The following PTPRO variants were observed in gnomAD, a reference collection of about 807,000 sequenced individuals.
The protein encoded by PTPRO is receptor-type tyrosine-protein phosphatase O.
In PTPRO, 62 loss-of-function variants were observed where a neutral mutation model predicts 145.2. That is an observed-to-expected ratio of 0.43 (90% CI 0.35 to 0.53). PTPRO has a LOEUF of 0.53. Among genes scored for constraint, PTPRO ranks in the 20% least tolerant of loss-of-function variants. PTPRO has a pLI of 0.01. For missense variants in PTPRO, 1,345 were observed against 1,482.7 expected (o/e 0.91, Z 1.53); for synonymous variants, 565 against 514.7 (o/e 1.10, Z -1.32).
intron 19 of PTPRO, among the ~76,000 whole-genome samples, chr12:15,575,665 T>C (rs1221633959): frequency 6.6e-6 from 1 of 152,230 alleles, no homozygotes; most frequent in Non-Finnish European, 1.5e-5. Context: ...TATTAGTTCC[T>C]ATGGCTGCCA....
intron 1 of PTPRO, among the ~76,000 whole-genome samples, chr12:15,426,908 T>A (rs1940301502): frequency 6.6e-6 from 1 of 152,068 alleles, no homozygotes; most frequent in Non-Finnish European, 1.5e-5. Flanking sequence ...TATATTATTA[T>A]CATTATTAAT....
At chr12:15,338,823 T>C (rs1443438124) in intron 1 of PTPRO, among the ~76,000 whole-genome samples, 3 of 152,060 alleles carry the variant, frequency 2.0e-5, no homozygotes, top group African/African-American at 7.2e-5. Flanking sequence ...AAAGAATGGA[T>C]GAAGTATTAA....
chr12:15,452,533 C>T (rs950934829), intron 1 of PTPRO, among the ~76,000 whole-genome samples: 4 of 152,050 alleles, frequency 2.6e-5, no homozygotes, highest in Non-Finnish European at 4.4e-5. Context: ...GGGGAAAGGA[C>T]GTGACAGAAA....
intron 24 of PTPRO, among the ~76,000 whole-genome samples, chr12:15,587,654 C>A (rs974086307): frequency 6.6e-6 from 1 of 152,194 alleles, no homozygotes; most frequent in Non-Finnish European, 1.5e-5. Context: ...CACTAATTCC[C>A]AACAGGAAAA....
At position 15,501,849 on chromosome 12, in the gene PTPRO, A is replaced by G. The variant is rs1483277122; in HGVS notation, c.891A>G (p.Pro297=). The G allele has an allele frequency of 1.9e-6, 3 of 1,614,126 alleles. No homozygotes were observed. Among genetic ancestry groups the G allele is most frequent in the Non-Finnish European group, 1.7e-6 (2 of 1,180,016 alleles). Reference sequence around the variant, plus strand: ...GTGACTATGAAACTACGTCTCAGCCATATTGGTGGGACAGTGCATCTGCAG... The same window carrying G: ...GTGACTATGAAACTACGTCTCAGCCGTATTGGTGGGACAGTGCATCTGCAG... The part of the protein sequence containing the change: ...NSSDYETTSQ[P]YWWDSASAAP... The change falls in exon 5 of 27, where the codon CCA becomes CCG. Residue 297 remains proline, a synonymous_variant. Coordinates refer to ENST00000281171, the MANE Select transcript of PTPRO (RefSeq NM_030667.3).
chr12:15,341,540 G>T lies in PTPRO; in HGVS notation c.75+18739G>T, dbSNP rs572148631. On this transcript the variant is annotated intron_variant, in intron 1 of 26. Transcript: ENST00000281171. ...ATGAGGTCTCTGCTTCAACTGGAGA[G>T]CTCAGCATTTCATATTTAGCTCTCA... Among the ~76,000 whole-genome samples, 12 of 152,280 alleles carry T rather than the reference G, an allele frequency of 7.9e-5. No homozygotes were observed. In the East Asian group the frequency reaches 2.3e-3, roughly 29 times the overall value.
At chr12:15,479,092 T>G (rs1284722298) in intron 1 of PTPRO, among the ~76,000 whole-genome samples, 3 of 152,166 alleles carry the variant, frequency 2.0e-5, no homozygotes, top group South Asian at 2.1e-4. Context: ...CCCTCTATTC[T>G]AGGGATTTCA....
intron 1 of PTPRO, among the ~76,000 whole-genome samples, chr12:15,394,099 G>T (rs1939270171): frequency 6.6e-6 from 1 of 152,098 alleles, no homozygotes; most frequent in Non-Finnish European, 1.5e-5. Context: ...GAGCCCTGAT[G>T]ACCCAATCAT....
At chr12:15,342,222 A>G (rs148211718) in intron 1 of PTPRO, among the ~76,000 whole-genome samples, 61 of 152,302 alleles carry the variant, frequency 4.0e-4, no homozygotes, top group African/African-American at 1.4e-3. Context: ...GACTTAATAT[A>G]TAAAAGTCAT....
At chr12:15,432,803 T>C (rs1565626311) in intron 1 of PTPRO, among the ~76,000 whole-genome samples, 1 of 152,236 alleles carries the variant, frequency 6.6e-6, no homozygotes, top group Non-Finnish European at 1.5e-5. Context: ...ATGTCTTCTA[T>C]AGAAAAGTGT....
At chr12:15,471,182 C>A (rs779559775) in intron 1 of PTPRO, among the ~76,000 whole-genome samples, 10 of 152,008 alleles carry the variant, frequency 6.6e-5, no homozygotes, top group Admixed American at 2.6e-4. Flanking sequence ...AGTTTGAGAC[C>A]AGCATGGGCA....
chr12:15,524,796 C>G lies in PTPRO; in HGVS notation c.1892-18C>G. The G allele has an allele frequency of 6.2e-7, 1 of 1,607,458 alleles. No homozygotes were observed. Among genetic ancestry groups the G allele is most frequent in the Non-Finnish European group, 8.5e-7 (1 of 1,174,112 alleles). On this transcript the variant is annotated intron_variant, in intron 10 of 26. Coordinates refer to ENST00000281171, the MANE Select transcript of PTPRO (RefSeq NM_030667.3). Reference sequence around the variant, plus strand: ...ATCCATCTATTATACTAAATTGTGCCTCGTTTCTCCCTTGTAGCCCCAGTG... The same window carrying G: ...ATCCATCTATTATACTAAATTGTGCGTCGTTTCTCCCTTGTAGCCCCAGTG...
chr12:15,518,364 A>G (rs1414305530), intron 9 of PTPRO, among the ~76,000 whole-genome samples: 1 of 152,128 alleles, frequency 6.6e-6, no homozygotes, highest in Non-Finnish European at 1.5e-5. Flanking sequence ...CCACAAAACC[A>G]CATTTTCCTC....
chr12:15,513,262 GGGAA>G (rs1565676025), intron 7 of PTPRO, among the ~76,000 whole-genome samples: 6 of 112,738 alleles, frequency 5.3e-5, no homozygotes, highest in East Asian at 2.5e-4. Context: ...GAGAGGGAGG[GGGAA>G]GGAAGGAGGG....
chr12:15,577,401 A>T (rs1023096163), intron 19 of PTPRO, among the ~76,000 whole-genome samples: 34 of 152,228 alleles, frequency 2.2e-4, no homozygotes, highest in African/African-American at 8.2e-4. Flanking sequence ...TTGATTAATA[A>T]AGCATGTGCT....
chr12:15,338,339 T>C (rs1035493124), intron 1 of PTPRO, among the ~76,000 whole-genome samples: 2 of 152,200 alleles, frequency 1.3e-5, no homozygotes, highest in African/African-American at 4.8e-5. Context: ...ATAGATATAG[T>C]CTTTGTCCTA....
chr12:15,351,251 G>A (rs1937794386), intron 1 of PTPRO, among the ~76,000 whole-genome samples: 1 of 152,242 alleles, frequency 6.6e-6, no homozygotes, highest in African/African-American at 2.4e-5. Context: ...AAATTATTAA[G>A]TCCAATATTT....
chr12:15,469,807 A>G (rs1029918867), intron 1 of PTPRO, among the ~76,000 whole-genome samples: 3 of 149,618 alleles, frequency 2.0e-5, no homozygotes, highest in Non-Finnish European at 3.0e-5. Flanking sequence ...TAAAATGTGT[A>G]TGTCTCAAAG....
At chr12:15,371,235 CTAT>C (rs1565591539) in intron 1 of PTPRO, among the ~76,000 whole-genome samples, 27 of 142,264 alleles carry the variant, frequency 1.9e-4, no homozygotes, top group Admixed American at 7.1e-5. Flanking sequence ...CTCAAGCTCA[CTAT>C]TTTTTTTTTT....
Sources: gnomAD v4.1 joint callset for allele counts (sites outside exome capture counted in the v4.1 genomes callset) on GRCh38, gnomAD v4.1.1 for gene constraint, MANE v1.5 for transcripts, NCBI Gene and HGNC (gene_info 2026-07-23, HGNC 2026-07-21) for gene names.